Variants in LDHC observed in about 807,000 individuals in gnomAD.
LDHC encodes the protein lactate dehydrogenase C.
Under a neutral mutation model 30.2 loss-of-function variants are expected in LDHC, and 20 were observed. The ratio of observed to expected loss-of-function variants is 0.66; its 90% CI spans 0.47 to 0.96. The LOEUF (loss-of-function observed/expected upper bound fraction) is 0.96, where lower values mean the gene tolerates loss of function less well. LDHC is among the 40% of genes least tolerant of loss of function. The probability of loss-of-function intolerance (pLI) is 0.00; values close to 1 mark genes in which losing one functional copy is unlikely to be tolerated. For synonymous variants in LDHC, 139 were observed against 132.7 expected, an observed-to-expected ratio of 1.05 and a Z score of -0.32; for missense variants, 362 against 394.9, an observed-to-expected ratio of 0.92 and a Z score of 0.71.
At chr11:18,421,990 G>A (rs555220784) in intron 3 of LDHC, among the ~76,000 whole-genome samples, 43 of 151,198 alleles carry the variant, frequency 2.8e-4, no homozygotes, top group African/African-American at 9.6e-4. Flanking sequence ...TGCATGTGGT[G>A]GTGCACACCT....
intron 6 of LDHC, among the ~76,000 whole-genome samples, chr11:18,441,280 C>G (rs79336217): frequency 0.017 from 2,540 of 152,084 alleles, 80 homozygotes; most frequent in African/African-American, 0.058. Flanking sequence ...GAAGAAAACA[C>G]AGTATAGCAT....
chr11:18,437,754 A>C (rs1216956869), intron 5 of LDHC, among the ~76,000 whole-genome samples: 6 of 103,310 alleles, frequency 5.8e-5, no homozygotes, highest in African/African-American at 2.5e-4. Flanking sequence ...TCCCTCTCAA[A>C]AAAAAAAAAA....
intron 5 of LDHC, among the ~76,000 whole-genome samples, chr11:18,436,640 C>A (rs1342898363): frequency 6.6e-6 from 1 of 151,926 alleles, no homozygotes; most frequent in East Asian, 1.9e-4. Context: ...GCATGCACCA[C>A]CACACCCGAC....
rs558908214 is a variant in LDHC at position 18,431,990 on chromosome 11, T to G, written c.418+2080T>G. 9.2e-5 allele frequency among the ~76,000 whole-genome samples: 14 copies of G among 152,328 alleles called. No homozygotes were observed. In the South Asian group the frequency reaches 2.7e-3, roughly 29 times the overall value. On this transcript the variant is annotated intron_variant, in intron 4 of 7. Transcript: ENST00000541669. The stretch of plus-strand genomic sequence containing the variant: ...TAGTTCTGCTCTGATCTTAGTTATT[T>G]CCTTTCTTCTGCTGGGTTTGGGTTT...
intron 4 of LDHC, among the ~76,000 whole-genome samples, chr11:18,433,768 G>T (rs1319209211): frequency 6.6e-6 from 1 of 152,180 alleles, no homozygotes; most frequent in Non-Finnish European, 1.5e-5. Context: ...CCTGATGACA[G>T]TGTGCTAGGC....
chr11:18,433,678 A>T (rs767904238), intron 4 of LDHC, among the ~76,000 whole-genome samples: 11 of 152,128 alleles, frequency 7.2e-5, no homozygotes, highest in Non-Finnish European at 1.6e-4. Flanking sequence ...TATTAATTTG[A>T]TAGGTTTTTC....
chr11:18,435,773 C>T (rs1414698113), intron 5 of LDHC, among the ~76,000 whole-genome samples: 5 of 152,142 alleles, frequency 3.3e-5, no homozygotes, highest in African/African-American at 1.2e-4. Context: ...TTTCCCCTAC[C>T]CTAGCCCCAG....
chr11:18,439,819 A>AAC (rs1554964741), intron 6 of LDHC, among the ~76,000 whole-genome samples: 4 of 142,092 alleles, frequency 2.8e-5, no homozygotes, highest in Admixed American at 7.2e-5. Context: ...ACTAAAAAAA[A>AAC]AAAAAAAAAA....
At chr11:18,436,164 G>T (rs534740566) in intron 5 of LDHC, among the ~76,000 whole-genome samples, 1 of 152,106 alleles carries the variant, frequency 6.6e-6, no homozygotes, top group East Asian at 1.9e-4. Flanking sequence ...CTGTTGGCTT[G>T]TGTTATTTTT....
intron 6 of LDHC, among the ~76,000 whole-genome samples, chr11:18,440,664 C>A (rs976184265): frequency 6.6e-6 from 1 of 152,180 alleles, no homozygotes; most frequent in South Asian, 2.1e-4. Context: ...TGCAGTGGCT[C>A]ACATCTGTAA....
intron 6 of LDHC, among the ~76,000 whole-genome samples, chr11:18,442,372 T>C (rs920860626): frequency 2.6e-5 from 4 of 152,214 alleles, no homozygotes; most frequent in African/African-American, 9.6e-5. Context: ...CCCTTTACCC[T>C]TGGTACCTTT....
chr11:18,439,563 CAAAAAAA>C (rs34511927), intron 6 of LDHC, among the ~76,000 whole-genome samples: 1 of 59,348 alleles, frequency 1.7e-5, no homozygotes, highest in East Asian at 5.5e-4. Context: ...AACTCCATCT[CAAAAAAA>C]AAAAAAAAAA....
chr11:18,444,140 C>CT (rs1848510610), intron 6 of LDHC, among the ~76,000 whole-genome samples: 1 of 152,128 alleles, frequency 6.6e-6, no homozygotes, highest in African/African-American at 2.4e-5. Flanking sequence ...CAGTTTTTGT[C>CT]TTAAAGTACC....
intron 5 of LDHC, among the ~76,000 whole-genome samples, chr11:18,436,179 A>T (rs1054800075): frequency 9.2e-5 from 14 of 152,182 alleles, no homozygotes; most frequent in Admixed American, 3.3e-4. Context: ...ATTTTTCCTG[A>T]AGTTCATTAA....
chr11:18,439,538 G>A (rs1848419070), intron 6 of LDHC, among the ~76,000 whole-genome samples: 1 of 139,906 alleles, frequency 7.1e-6, no homozygotes, highest in Non-Finnish European at 1.5e-5. Context: ...ACTCCAGCCT[G>A]GGCAACAAGA....
rs145609270 is a variant in LDHC, at chr11:18,412,735, G to A, written c.18G>A (p.Glu6=). Residue 6 remains glutamate (E), a synonymous_variant, in exon 2 of 8, where the codon GAG becomes GAA. Coordinates refer to ENST00000541669, the MANE Select transcript of LDHC (RefSeq NM_017448.5). The part of the protein sequence containing the change: MSTVK[E]QLIEKLIEDD... ...TTCTCCAAATGTCAACTGTCAAGGA[G>A]CAGCTAATTGAGAAGCTAATTGAGG... 3,325 of 1,613,892 alleles carry A rather than the reference G, an allele frequency of 2.1e-3. 11 individuals are homozygous for A. Among genetic ancestry groups the A allele is most frequent in the Non-Finnish European group, 2.5e-3 (2,965 of 1,179,788 alleles).
chr11:18,436,564 G>A (rs1393390460), intron 5 of LDHC, among the ~76,000 whole-genome samples: 2 of 132,452 alleles, frequency 1.5e-5, no homozygotes, highest in South Asian at 2.6e-4. Flanking sequence ...TCGGCTCACC[G>A]CAACCTCCGC....
intron 3 of LDHC, among the ~76,000 whole-genome samples, chr11:18,419,701 C>T (rs1344730027): frequency 6.6e-6 from 1 of 152,004 alleles, no homozygotes; most frequent in Non-Finnish European, 1.5e-5. Context: ...TATGATTATT[C>T]TACATAAAAA....
chr11:18,444,605 T>C (rs1236525476), intron 6 of LDHC, among the ~76,000 whole-genome samples: 2 of 5,078 alleles, frequency 3.9e-4, no homozygotes, highest in South Asian at 3.8e-3. Flanking sequence ...GTTCAGGTGG[T>C]ATATATATAT....
Sources: allele counts gnomAD v4.1 joint callset (sites outside exome capture counted in the v4.1 genomes callset), GRCh38; gene constraint gnomAD v4.1.1; transcripts MANE v1.5; gene names NCBI Gene and HGNC (gene_info 2026-07-23, HGNC 2026-07-21).